The following CTNND2 variants were observed in gnomAD, a reference collection of about 807,000 sequenced individuals.
CTNND2 encodes the protein catenin delta 2, also known as catenin delta-2.
CTNND2 carries 22 observed loss-of-function variants against 144.4 expected under a neutral mutation model. That is an observed-to-expected ratio of 0.15 (90% CI 0.11 to 0.22). CTNND2 has a LOEUF of 0.22. Ranked by LOEUF, CTNND2 falls within the 10% of genes least tolerant of loss-of-function variation. CTNND2 has a pLI of 1.00. For synonymous variants in CTNND2, 751 were observed against 695.6 expected, an observed-to-expected ratio of 1.08 and a Z score of -1.25; for missense variants, 1,353 against 1,618.8, an observed-to-expected ratio of 0.84 and a Z score of 2.82.
chr5:11,669,166 C>T (rs187609231), intron 2 of CTNND2, among the ~76,000 whole-genome samples: 31 of 152,212 alleles, frequency 2.0e-4, no homozygotes, highest in African/African-American at 7.5e-4. Context: ...TTCAGTCTGC[C>T]AGTATTTTAT....
At chr5:11,381,678 A>G (rs1369932840) in intron 7 of CTNND2, among the ~76,000 whole-genome samples, 2 of 152,178 alleles carry the variant, frequency 1.3e-5, no homozygotes, top group East Asian at 3.9e-4. Flanking sequence ...AAAAAACAAA[A>G]TATTGGGGAC....
chr5:11,070,678 T>C (rs1357847004), intron 16 of CTNND2, among the ~76,000 whole-genome samples: 1 of 137,356 alleles, frequency 7.3e-6, no homozygotes, highest in East Asian at 2.0e-4. Context: ...AACAGAATAA[T>C]ATCTTTGAAG....
chr5:11,594,621 T>C (rs752031959), intron 2 of CTNND2, among the ~76,000 whole-genome samples: 56 of 152,198 alleles, frequency 3.7e-4, no homozygotes, highest in Admixed American at 7.2e-4. Context: ...TCATTAACTT[T>C]AAAATAATTG....
intron 2 of CTNND2, among the ~76,000 whole-genome samples, chr5:11,693,652 T>C (rs1207834949): frequency 6.6e-6 from 1 of 152,238 alleles, no homozygotes; most frequent in Admixed American, 6.5e-5. Flanking sequence ...GGTGTATGCC[T>C]GTCATACAGA....
At chr5:11,889,855 T>A (rs1415250578) in intron 1 of CTNND2, among the ~76,000 whole-genome samples, 1 of 152,198 alleles carries the variant, frequency 6.6e-6, no homozygotes, top group African/African-American at 2.4e-5. Context: ...GACATCACAA[T>A]GTTTTCAACC....
At chr5:11,150,099 C>T (rs534718666) in intron 12 of CTNND2, among the ~76,000 whole-genome samples, 14 of 152,296 alleles carry the variant, frequency 9.2e-5, no homozygotes, top group Admixed American at 5.9e-4. Context: ...AAGGCAAGTG[C>T]TAATTCTCTC....
At chr5:11,435,412 G>T (rs1763679448) in intron 3 of CTNND2, among the ~76,000 whole-genome samples, 1 of 152,058 alleles carries the variant, frequency 6.6e-6, no homozygotes, top group South Asian at 2.1e-4. Context: ...AAAGTGCAGG[G>T]ATTACAAGCC....
chr5:11,274,119 C>T (rs1016788232), intron 9 of CTNND2, among the ~76,000 whole-genome samples: 1 of 152,132 alleles, frequency 6.6e-6, no homozygotes. Context: ...CAGTCCACGC[C>T]GCCAACATTC....
At chr5:11,230,276 G>A (rs1171546882) in intron 10 of CTNND2, among the ~76,000 whole-genome samples, 1 of 149,602 alleles carries the variant, frequency 6.7e-6, no homozygotes, top group East Asian at 2.0e-4. Context: ...TAGATGACGA[G>A]TTAGTGGGTG....
chr5:11,087,576 G>A (rs1750308786), intron 15 of CTNND2, among the ~76,000 whole-genome samples: 1 of 152,200 alleles, frequency 6.6e-6, no homozygotes, highest in South Asian at 2.1e-4. Context: ...TTCACATCCA[G>A]AGTTATGTTA....
intron 7 of CTNND2, among the ~76,000 whole-genome samples, chr5:11,378,639 C>T (rs1355632332): frequency 6.6e-6 from 1 of 152,156 alleles, no homozygotes; most frequent in East Asian, 1.9e-4. Context: ...TTGAAAGGAG[C>T]AGCAGGAGCC....
chr5:11,436,960 A>C lies in CTNND2; in HGVS notation c.288-24891T>G, dbSNP rs80348660. ...AATACAGGCCAACCTAATCCACTAA[A>C]TCTAAGTATGCTAAAGACATATTTT... On this transcript the variant is annotated intron_variant, in intron 3 of 21. Transcript: ENST00000304623. Among the ~76,000 whole-genome samples the C allele has an allele frequency of 3.9e-4, 60 of 152,338 alleles. No individual in the cohort carries two copies. In the East Asian group the frequency reaches 0.011, roughly 28 times the overall value.
At chr5:11,737,612 C>A (rs1314674230) in intron 1 of CTNND2, among the ~76,000 whole-genome samples, 1 of 152,186 alleles carries the variant, frequency 6.6e-6, no homozygotes, top group Non-Finnish European at 1.5e-5. Flanking sequence ...TCTATGCCCA[C>A]ACATGCATGA....
At chr5:11,404,295 G>A (rs1279497634) in intron 5 of CTNND2, among the ~76,000 whole-genome samples, 2 of 152,136 alleles carry the variant, frequency 1.3e-5, no homozygotes, top group East Asian at 1.9e-4. Flanking sequence ...TTGAGAAAAG[G>A]TGCTCTACTC....
At chr5:11,626,313 T>C (rs551782482) in intron 2 of CTNND2, among the ~76,000 whole-genome samples, 5 of 152,330 alleles carry the variant, frequency 3.3e-5, no homozygotes, top group East Asian at 1.9e-4. Flanking sequence ...TTGTGCTTAC[T>C]GATTACCTCA....
chr5:11,713,229 A>G (rs1786136637), intron 2 of CTNND2, among the ~76,000 whole-genome samples: 1 of 152,172 alleles, frequency 6.6e-6, no homozygotes, highest in Admixed American at 6.5e-5. Context: ...TATTATTAGA[A>G]GGGCTGAAAT....
At chr5:11,387,342 C>A (rs574322928) in intron 6 of CTNND2, among the ~76,000 whole-genome samples, 1 of 152,040 alleles carries the variant, frequency 6.6e-6, no homozygotes, top group Non-Finnish European at 1.5e-5. Flanking sequence ...TGGGTTTTAA[C>A]CAGTACTCTG....
At chr5:11,559,405 A>C (rs1465882313) in intron 3 of CTNND2, among the ~76,000 whole-genome samples, 1 of 152,084 alleles carries the variant, frequency 6.6e-6, no homozygotes, top group Non-Finnish European at 1.5e-5. Flanking sequence ...GCTCTACTCC[A>C]TTTTAGTCCA....
rs1561133707 is a variant in CTNND2, at chr5:11,274,578, C to CA, written c.1629-37756_1629-37755insT. Among the ~76,000 whole-genome samples, 444 of 142,468 alleles carry CA rather than the reference C, an allele frequency of 3.1e-3. 2 individuals are homozygous for CA. The highest frequency in any genetic ancestry group is 0.011 in the African/African-American group (411 of 38,344). 93.5% of individuals were successfully genotyped at this position (142,468 alleles called of 152,430 possible). On this transcript the variant is annotated intron_variant, in intron 9 of 21. Transcript: ENST00000304623. Reference sequence around the variant, plus strand: ...TTTCACAGAAAGTTGATTTTGCTTTCGTTTTTTTTTTTTTTAAAAAGGCAA... The same window carrying CA: ...TTTCACAGAAAGTTGATTTTGCTTTCAGTTTTTTTTTTTTTTAAAAAGGCAA...
Sources: gnomAD v4.1 joint callset for allele counts (sites outside exome capture counted in the v4.1 genomes callset) on GRCh38, gnomAD v4.1.1 for gene constraint, MANE v1.5 for transcripts, NCBI Gene and HGNC (gene_info 2026-07-23, HGNC 2026-07-21) for gene names.